Variants in MED13 observed in about 807,000 individuals in gnomAD.
MED13 encodes the protein mediator complex subunit 13.
MED13 carries 23 observed loss-of-function variants against 225.2 expected under a neutral mutation model. The observed-to-expected ratio is 0.10, with a 90% confidence interval of 0.07 to 0.14. MED13 has a LOEUF of 0.14. MED13 is among the 10% of genes least tolerant of loss of function. The pLI is 1.00. For missense variants in MED13, 2,197 were observed against 2,594.5 expected, an observed-to-expected ratio of 0.85 and a Z score of 3.33; for synonymous variants, 942 against 889.2, an observed-to-expected ratio of 1.06 and a Z score of -1.06.
chr17:61,980,018 G>A (rs1350891282), intron 16 of MED13, among the ~76,000 whole-genome samples: 2 of 151,994 alleles, frequency 1.3e-5, no homozygotes, highest in Non-Finnish European at 2.9e-5. Flanking sequence ...GTGAAACCTC[G>A]TCTCTACTAA....
intron 8 of MED13, among the ~76,000 whole-genome samples, chr17:62,028,500 C>T (rs1232185845): frequency 6.6e-6 from 1 of 151,868 alleles, no homozygotes; most frequent in Non-Finnish European, 1.5e-5. Flanking sequence ...TGTGACATGA[C>T]TTTACCTATT....
At chr17:61,948,084 A>C (rs1603389391) in intron 28 of MED13, among the ~76,000 whole-genome samples, 1 of 152,346 alleles carries the variant, frequency 6.6e-6, no homozygotes, top group East Asian at 1.9e-4. Context: ...AATTTTTAAA[A>C]TGTAATTAGT....
At chr17:61,992,777 TAC>T (rs750825917) in intron 10 of MED13, among the ~76,000 whole-genome samples, 156 bp from the exon 11 acceptor site, 20 of 230 alleles carry the variant, frequency 0.087, no homozygotes, top group Non-Finnish European at 0.15. Context: ...TGCTTATTAT[TAC>T]TTTTTTTTGA....
chr17:62,030,931 TTTA>T (rs2080749644), intron 6 of MED13: 1 of 152,234 alleles, frequency 6.6e-6, no homozygotes, highest in Non-Finnish European at 1.5e-5. Flanking sequence ...AAAGCTTGGG[TTTA>T]TTTTTGTAGG....
At chr17:61,953,404 T>A (rs756487689) in intron 26 of MED13, among the ~76,000 whole-genome samples, 7 of 152,176 alleles carry the variant, frequency 4.6e-5, no homozygotes, top group Non-Finnish European at 8.8e-5. Flanking sequence ...AAGCTAAGGA[T>A]CTTGAGATGG....
At chr17:62,001,185 A>G (rs958321077) in intron 9 of MED13, among the ~76,000 whole-genome samples, 3 of 152,210 alleles carry the variant, frequency 2.0e-5, no homozygotes, top group Admixed American at 6.5e-5. Flanking sequence ...AGACACCTTC[A>G]AACCTATTCT....
intron 2 of MED13, among the ~76,000 whole-genome samples, chr17:62,053,063 G>A (rs1480533456): frequency 6.6e-6 from 1 of 152,154 alleles, no homozygotes; most frequent in Non-Finnish European, 1.5e-5. Flanking sequence ...CAATTTCTAA[G>A]CTGGCTCACT....
intron 16 of MED13, among the ~76,000 whole-genome samples, chr17:61,973,890 G>A (rs948509339): frequency 1.3e-5 from 2 of 152,082 alleles, no homozygotes; most frequent in Non-Finnish European, 2.9e-5. Flanking sequence ...GGCTAAGGCA[G>A]GAGAATCGCT....
chr17:61,973,018 G>C (rs867920613), intron 16 of MED13, 130 bp from the exon 17 acceptor site: 14 of 624,250 alleles, frequency 2.2e-5, no homozygotes, highest in African/African-American at 2.0e-4. Flanking sequence ...ACCCTTACTT[G>C]TGCAGAGAAT....
intron 8 of MED13, among the ~76,000 whole-genome samples, chr17:62,012,913 C>T (rs1240494791): frequency 6.6e-6 from 1 of 152,014 alleles, no homozygotes; most frequent in Non-Finnish European, 1.5e-5. Context: ...CTGCCTCAGC[C>T]TCCCAAGTAG....
chr17:61,992,499 T>A (rs751740787), intron 11 of MED13, 41 bp downstream of exon 11: 1 of 1,261,018 alleles, frequency 7.9e-7, no homozygotes, highest in Non-Finnish European at 1.2e-6. Flanking sequence ...GTAGTAACAA[T>A]CCTGGAATGC....
intron 16 of MED13, among the ~76,000 whole-genome samples, chr17:61,980,240 T>C (rs1266486469): frequency 6.6e-6 from 1 of 152,092 alleles, no homozygotes; most frequent in Non-Finnish European, 1.5e-5. Flanking sequence ...TAGGATACCA[T>C]GCTCCCTTGG....
rs146484770 is a variant in MED13, at chr17:61,956,208, G to A, written c.5623+131C>T. The A allele has an allele frequency of 2.8e-4, 244 of 874,762 alleles. 1 individual carries two copies. In the African/African-American group the frequency reaches 3.8e-3, roughly 13 times the overall value. The allele number at this position is 874,762 out of a possible 1,614,324, so 54.2% of individuals were successfully genotyped here. A position where few individuals can be genotyped will look rare whatever the true frequency, so the allele number is the denominator to read the frequency against. On this transcript the variant is annotated intron_variant, in intron 24 of 29. Transcript: ENST00000397786. ...TAAAATTTGAATTAAGCCATTTGTG[G>A]CCTAGACATATGTGGTTCCTTATTT...
intron 9 of MED13, among the ~76,000 whole-genome samples, chr17:62,003,093 T>C (rs972253119): frequency 6.6e-6 from 1 of 152,264 alleles, no homozygotes; most frequent in Middle Eastern, 3.4e-3. Context: ...TTGCCCCAGT[T>C]GAGAAATACT....
At chr17:61,970,679 C>CAAAA (rs10600340) in intron 17 of MED13, among the ~76,000 whole-genome samples, 47 of 46,918 alleles carry the variant, frequency 1.0e-3, no homozygotes, top group African/African-American at 3.8e-3. Context: ...GAGACTGTCT[C>CAAAA]AAAAAAAAAA....
intron 2 of MED13, among the ~76,000 whole-genome samples, chr17:62,060,083 GGAGTTCGAGACCAGCCTGGCGAACAC>G (rs2081026444): frequency 6.6e-6 from 1 of 151,934 alleles, no homozygotes; most frequent in Non-Finnish European, 1.5e-5. Context: ...TCTGCGCTCA[GGAGTTCGAGACCAGCCTGGCGAACAC>G]GGTGAAACCC....
In MED13 at chr17:61,995,306, T is replaced by G; in HGVS notation, c.2027A>C (p.Gln676Pro). The part of the protein sequence containing the change: ...KVSDELVQQY[Q>P]IKNQCLSAIA... Reference sequence around the variant, plus strand: ...TGCTGAAAGACACTGGTTTTTAATTTGATATTGCTGCACTAATTCATCAGA... The same window carrying G: ...TGCTGAAAGACACTGGTTTTTAATTGGATATTGCTGCACTAATTCATCAGA... The change falls in exon 10 of 30, where the codon CAA becomes CCA. Residue 676 changes from glutamine (Q) to proline (P), a missense_variant. By Grantham distance (76) the Gln-to-Pro change is moderately conservative. This residue lies in a region of MED13 where 884 missense variants were observed against 918.5 expected (regional missense o/e 0.96). Coordinates refer to ENST00000397786, the MANE Select transcript of MED13 (RefSeq NM_005121.3). The G allele has an allele frequency of 6.2e-7, 1 of 1,613,884 alleles. No homozygotes were observed.
chr17:61,969,983 TACAAA>T (rs1179148475), intron 17 of MED13, among the ~76,000 whole-genome samples: 1 of 152,074 alleles, frequency 6.6e-6, no homozygotes, highest in Non-Finnish European at 1.5e-5. Flanking sequence ...ACATGGAGAT[TACAAA>T]ACAAAACTAT....
At chr17:62,020,292 T>C (rs1248870608) in intron 8 of MED13, among the ~76,000 whole-genome samples, 1 of 152,196 alleles carries the variant, frequency 6.6e-6, no homozygotes, top group Non-Finnish European at 1.5e-5. Context: ...CAATAAATAG[T>C]GCACATTTAA....
Sources: allele counts gnomAD v4.1 joint callset (sites outside exome capture counted in the v4.1 genomes callset), GRCh38; gene constraint gnomAD v4.1.1; regional missense constraint gnomAD v4.1.1; transcripts MANE v1.5; gene names NCBI Gene and HGNC (gene_info 2026-07-23, HGNC 2026-07-21).